Variants in LRRC4C observed in about 807,000 individuals in gnomAD.
LRRC4C encodes leucine-rich repeat-containing protein 4C.
A neutral mutation model predicts 33.6 loss-of-function variants in LRRC4C; 5 were observed. That is an observed-to-expected ratio of 0.15 (90% CI 0.08 to 0.31). LRRC4C has a LOEUF of 0.31. Among genes scored for constraint, LRRC4C ranks in the 10% least tolerant of loss-of-function variants. LRRC4C has a pLI of 1.00. For missense variants in LRRC4C, 560 were observed against 796.7 expected (o/e 0.70, Z 3.58); for synonymous variants, 329 against 302.0 (o/e 1.09, Z -0.93).
intron 4 of LRRC4C, among the ~76,000 whole-genome samples, chr11:40,247,802 C>A (rs559313978): frequency 6.6e-6 from 1 of 152,212 alleles, no homozygotes; most frequent in African/African-American, 2.4e-5. Context: ...AATTCTAGTT[C>A]TAGAAAAGTT....
intron 4 of LRRC4C, among the ~76,000 whole-genome samples, chr11:40,259,138 G>A (rs928422642): frequency 2.0e-5 from 3 of 152,284 alleles, no homozygotes; most frequent in African/African-American, 4.8e-5. Context: ...ATTCAGGCAA[G>A]CAGTTGCTTC....
chr11:40,453,228 A>C lies in LRRC4C; in HGVS notation c.-269-133507T>G, dbSNP rs555097005. ...TCAATTCTAAACTTGCCATGGAGCC[A>C]GCATGGGCAAATAATTTAACTTTTC... On this transcript the variant is annotated intron_variant, in intron 3 of 6. Coordinates refer to ENST00000528697, the MANE Select transcript of LRRC4C (RefSeq NM_001258419.2). Among the ~76,000 whole-genome samples, 9 of 152,346 alleles carry C rather than the reference A, an allele frequency of 5.9e-5. No homozygotes were observed. In the South Asian group the frequency reaches 1.9e-3, roughly 32 times the overall value.
At position 41,420,854 on chromosome 11, in the gene LRRC4C, A is replaced by G. The variant is rs573391202; in HGVS notation, c.-496+38577T>C. On this transcript the variant is annotated intron_variant, in intron 1 of 6. Transcript: ENST00000528697. ...TGACCAAAACAGTGCCTGGTACATA[A>G]TAGGCTCTCAATAAATATTCACCTT... 2.0e-5 allele frequency among the ~76,000 whole-genome samples: 3 copies of G among 152,182 alleles called. 1 individual carries two copies. In the South Asian group the frequency reaches 6.2e-4, roughly 32 times the overall value.
At chr11:41,347,667 G>A (rs147832056) in intron 1 of LRRC4C, among the ~76,000 whole-genome samples, 198 of 152,260 alleles carry the variant, frequency 1.3e-3, no homozygotes, top group Non-Finnish European at 2.0e-3. Flanking sequence ...TTTTTAAAAT[G>A]CAGAGTTACA....
At chr11:40,735,618 TA>T (rs1299471928) in intron 2 of LRRC4C, among the ~76,000 whole-genome samples, 1 of 127,304 alleles carries the variant, frequency 7.9e-6, no homozygotes, top group Non-Finnish European at 1.7e-5. Flanking sequence ...GCAATAAACA[TA>T]TGTGTGCATG....
At chr11:41,348,443 A>G (rs1281523060) in intron 1 of LRRC4C, among the ~76,000 whole-genome samples, 1 of 152,160 alleles carries the variant, frequency 6.6e-6, no homozygotes, top group Non-Finnish European at 1.5e-5. Flanking sequence ...GAGATTTAAT[A>G]TAATCCTGCT....
intron 5 of LRRC4C, among the ~76,000 whole-genome samples, chr11:40,225,605 TTC>T (rs1005029405): frequency 6.8e-6 from 1 of 147,582 alleles, no homozygotes; most frequent in African/African-American, 2.5e-5. Flanking sequence ...TATTTCCCAA[TTC>T]TCTCTCTCTC....
At chr11:40,439,661 C>A (rs182741123) in intron 3 of LRRC4C, among the ~76,000 whole-genome samples, 71 of 152,064 alleles carry the variant, frequency 4.7e-4, no homozygotes, top group Non-Finnish European at 2.5e-4. Flanking sequence ...ACCACCTTGG[C>A]CAGGCTGGTC....
chr11:40,211,730 G>A (rs1863619595), intron 5 of LRRC4C, among the ~76,000 whole-genome samples: 1 of 152,120 alleles, frequency 6.6e-6, no homozygotes, highest in African/African-American at 2.4e-5. Context: ...CAAAATGTCA[G>A]GTAAACATTC....
At chr11:40,226,927 G>C (rs1297293964) in intron 5 of LRRC4C, among the ~76,000 whole-genome samples, 1 of 152,204 alleles carries the variant, frequency 6.6e-6, no homozygotes, top group Non-Finnish European at 1.5e-5. Flanking sequence ...TTTACAAAGA[G>C]TCTTTTATCT....
chr11:40,777,327 C>T (rs998034738), intron 2 of LRRC4C, among the ~76,000 whole-genome samples: 1 of 152,008 alleles, frequency 6.6e-6, no homozygotes, highest in Non-Finnish European at 1.5e-5. Flanking sequence ...GGGGTGTGGA[C>T]TTCTCCTCTA....
At chr11:41,217,480 C>T (rs1269339931) in intron 1 of LRRC4C, among the ~76,000 whole-genome samples, 6 of 152,166 alleles carry the variant, frequency 3.9e-5, no homozygotes, top group Admixed American at 6.5e-5. Context: ...TATCTGAACA[C>T]AAATCCCTGC....
chr11:40,420,799 T>C (rs1474114778), intron 3 of LRRC4C, among the ~76,000 whole-genome samples: 1 of 152,204 alleles, frequency 6.6e-6, no homozygotes, highest in Non-Finnish European at 1.5e-5. Flanking sequence ...TGTTCAAATG[T>C]TAAAGTCAAT....
intron 2 of LRRC4C, among the ~76,000 whole-genome samples, chr11:40,857,349 C>A (rs1377972081): frequency 6.6e-6 from 1 of 152,090 alleles, no homozygotes; most frequent in Non-Finnish European, 1.5e-5. Flanking sequence ...GATGATCTCC[C>A]CACTGACCCT....
At chr11:40,672,493 G>T (rs949172352) in intron 2 of LRRC4C, among the ~76,000 whole-genome samples, 2 of 152,112 alleles carry the variant, frequency 1.3e-5, no homozygotes, top group African/African-American at 4.8e-5. Context: ...TTTTCCAATT[G>T]AGTTCCCCAT....
chr11:40,971,401 T>A (rs1851718074), intron 1 of LRRC4C, among the ~76,000 whole-genome samples: 1 of 152,130 alleles, frequency 6.6e-6, no homozygotes, highest in Non-Finnish European at 1.5e-5. Flanking sequence ...AAGCTGTAAG[T>A]CTGTTTGGCT....
At chr11:41,007,584 G>A (rs61887630) in intron 1 of LRRC4C, among the ~76,000 whole-genome samples, 18,948 of 152,056 alleles carry the variant, frequency 0.12, 1,311 homozygotes, top group Non-Finnish European at 0.16. Context: ...AAAGATGACC[G>A]TGGTAGCCAA....
At chr11:41,286,529 T>C (rs1949833505) in intron 1 of LRRC4C, among the ~76,000 whole-genome samples, 1 of 152,216 alleles carries the variant, frequency 6.6e-6, no homozygotes, top group Admixed American at 6.5e-5. Context: ...CAGTGAGAGC[T>C]CTAATAGAAT....
chr11:40,519,643 C>T (rs577935476), intron 3 of LRRC4C, among the ~76,000 whole-genome samples: 1 of 152,232 alleles, frequency 6.6e-6, no homozygotes, highest in Non-Finnish European at 1.5e-5. Context: ...TAGCAATAGG[C>T]TGTTTTGCTT....
Sources: allele counts gnomAD v4.1 joint callset (sites outside exome capture counted in the v4.1 genomes callset), GRCh38; gene constraint gnomAD v4.1.1; transcripts MANE v1.5; gene names NCBI Gene and HGNC (gene_info 2026-07-23, HGNC 2026-07-21).